GABRA2: variants seen among roughly 807,000 people sequenced by gnomAD.
GABRA2 encodes the protein gamma-aminobutyric acid type A receptor subunit alpha2.
Under a neutral mutation model 48.7 loss-of-function variants are expected in GABRA2, and 16 were observed. The observed-to-expected ratio is 0.33, with a 90% CI of 0.22 to 0.50. The LOEUF is 0.50. Among genes scored for constraint, GABRA2 ranks in the 20% least tolerant of loss-of-function variants. GABRA2 has a pLI of 0.98. For missense variants in GABRA2, 275 were observed against 535.6 expected, an observed-to-expected ratio of 0.51 and a Z score of 4.80; for synonymous variants, 185 against 184.5, an observed-to-expected ratio of 1.00 and a Z score of -0.02.
At chr4:46,279,834 G>A (rs965896547) in intron 8 of GABRA2, among the ~76,000 whole-genome samples, 2 of 151,866 alleles carry the variant, frequency 1.3e-5, no homozygotes, top group African/African-American at 2.4e-5. Flanking sequence ...AGATTTCTTT[G>A]ATTTTCTTTT....
intron 7 of GABRA2, among the ~76,000 whole-genome samples, chr4:46,304,548 A>T (rs1331903774): frequency 6.6e-6 from 1 of 152,020 alleles, no homozygotes; most frequent in Non-Finnish European, 1.5e-5. Flanking sequence ...TCAGCTTTCC[A>T]CACAGGCCTG....
rs2109360280 is a variant in GABRA2 at position 46,246,942 on chromosome 4, G to T, written c.*3366C>A. Among the ~76,000 whole-genome samples, 1 of 151,174 alleles carries T rather than the reference G, an allele frequency of 6.6e-6. No homozygotes were observed. The highest frequency in any genetic ancestry group is 2.0e-4 in the East Asian group (1 of 5,090). On this transcript the variant is annotated 3_prime_UTR_variant, in exon 10 of 10. Transcript: ENST00000381620. ...ACTTTGGTGCTCTTCTGGAATCCATGATTATATCATGGCAGGGTTTGTGTC... is the reference window on the plus strand; with the variant it reads ...ACTTTGGTGCTCTTCTGGAATCCATTATTATATCATGGCAGGGTTTGTGTC...
At chr4:46,286,950 T>G (rs1158552244) in intron 8 of GABRA2, among the ~76,000 whole-genome samples, 4 of 152,288 alleles carry the variant, frequency 2.6e-5, no homozygotes, top group East Asian at 1.9e-4. Context: ...TTTTCATGAT[T>G]AAAAGAAACA....
chr4:46,285,097 G>A (rs530853825), intron 8 of GABRA2, among the ~76,000 whole-genome samples: 1 of 149,690 alleles, frequency 6.7e-6, no homozygotes, highest in East Asian at 1.9e-4. Flanking sequence ...CCTCATTCCA[G>A]GCAGGTCTTA....
intron 8 of GABRA2, among the ~76,000 whole-genome samples, chr4:46,274,385 T>C (rs1720084592): frequency 6.6e-6 from 1 of 152,100 alleles, no homozygotes; most frequent in South Asian, 2.1e-4. Context: ...CTAAATTGTG[T>C]ATTTTTCAAT....
At chr4:46,367,976 G>A (rs1204854882) in intron 3 of GABRA2, 1 of 152,084 alleles carries the variant, frequency 6.6e-6, no homozygotes, top group East Asian at 1.9e-4. Context: ...GGGACATTGT[G>A]TCACATCTGG....
chr4:46,297,147 G>A (rs371319488), intron 8 of GABRA2, among the ~76,000 whole-genome samples: 2 of 151,942 alleles, frequency 1.3e-5, no homozygotes, highest in African/African-American at 4.8e-5. Context: ...ATTGATCCTG[G>A]GTGTGTCCGT....
At chr4:46,283,369 A>G (rs918304342) in intron 8 of GABRA2, among the ~76,000 whole-genome samples, 1 of 152,158 alleles carries the variant, frequency 6.6e-6, no homozygotes, top group African/African-American at 2.4e-5. Flanking sequence ...AAGCAAAACC[A>G]TAAATTAAGG....
chr4:46,366,782 A>G (rs1221957762), intron 3 of GABRA2: 1 of 152,124 alleles, frequency 6.6e-6, no homozygotes, highest in Non-Finnish European at 1.5e-5. Flanking sequence ...AAGACAACTG[A>G]AAAACTTTAA....
rs941353845 is a variant in GABRA2, at chr4:46,388,918, GTTTC to G, written c.-10-206_-10-203del. The G allele has an allele frequency of 3.7e-5, 47 of 1,275,830 alleles. No homozygotes were observed. The East Asian group carries it at 4.2e-4, about 11-fold the overall frequency. The allele number at this position is 1,275,830 out of a possible 1,614,324, so 79.0% of individuals were successfully genotyped here. A position where few individuals can be genotyped will look rare whatever the true frequency, so the allele number is the denominator to read the frequency against. On this transcript the variant is annotated intron_variant, in intron 1 of 9. Coordinates refer to ENST00000381620, the MANE Select transcript of GABRA2 (RefSeq NM_000807.4). ...CCCCACCCCCACCCTTTTCCTTTCT[GTTTC>G]TTTCTTTCTTTTTTTCTTTCTTTCT...
intron 9 of GABRA2, 29 bp downstream of exon 9, chr4:46,261,894 TTAA>T: frequency 1.3e-6 from 2 of 1,555,890 alleles, no homozygotes; most frequent in African/African-American, 1.4e-5. Flanking sequence ...GGGTATTTTC[TTAA>T]TAATGATAAC....
intron 4 of GABRA2, among the ~76,000 whole-genome samples, chr4:46,321,709 G>GT: frequency 6.6e-6 from 1 of 152,056 alleles, no homozygotes; most frequent in South Asian, 2.1e-4. Flanking sequence ...AGGATGAAGT[G>GT]AGATAATATT....
chr4:46,357,409 GT>G (rs1261845149), intron 3 of GABRA2, among the ~76,000 whole-genome samples: 5 of 147,178 alleles, frequency 3.4e-5, no homozygotes, highest in African/African-American at 1.3e-4. Flanking sequence ...TATCTAGTAT[GT>G]TGCATTTCAT....
chr4:46,273,666 T>C (rs1270161970), intron 8 of GABRA2, among the ~76,000 whole-genome samples: 2 of 151,812 alleles, frequency 1.3e-5, no homozygotes, highest in African/African-American at 4.8e-5. Context: ...GAAATAAATT[T>C]TCTCCTTCTC....
At chr4:46,291,811 A>G (rs1021417159) in intron 8 of GABRA2, among the ~76,000 whole-genome samples, 4 of 150,700 alleles carry the variant, frequency 2.7e-5, no homozygotes, top group African/African-American at 7.3e-5. Context: ...ATATATGTGT[A>G]TATATATATC....
chr4:46,279,491 T>A (rs750321906), intron 8 of GABRA2, among the ~76,000 whole-genome samples: 3 of 152,112 alleles, frequency 2.0e-5, no homozygotes, highest in African/African-American at 7.2e-5. Flanking sequence ...TCTCTTTTCA[T>A]CTCTTTTTTT....
At chr4:46,339,229 A>G (rs1442220050) in intron 3 of GABRA2, among the ~76,000 whole-genome samples, 1 of 151,950 alleles carries the variant, frequency 6.6e-6, no homozygotes, top group Non-Finnish European at 1.5e-5. Context: ...ATTAAATAAA[A>G]TTAAATAACA....
chr4:46,289,960 G>GGAGT (rs1450786558), intron 8 of GABRA2, among the ~76,000 whole-genome samples: 1 of 146,360 alleles, frequency 6.8e-6, no homozygotes, highest in East Asian at 2.0e-4. Context: ...CGCCCAGGCT[G>GGAGT]GAGTGCGGTG....
rs1338031744 is a variant in GABRA2, at chr4:46,303,536, A to C, written c.780T>G (p.Pro260=). The C allele has an allele frequency of 6.2e-7, 1 of 1,614,080 alleles. No individual in the cohort carries two copies. Among genetic ancestry groups the C allele is most frequent in the Admixed American group, 1.7e-5 (1 of 60,022 alleles). The change falls in exon 8 of 10, where the codon CCT becomes CCG. Residue 260 remains proline (P), a synonymous_variant. Coordinates refer to ENST00000381620, the MANE Select transcript of GABRA2 (RefSeq NM_000807.4). ...GGGAGAGAATGACAGTCATGATGCA[A>C]GGCAGATAGGTTTGAATCACAAAAT... The part of the protein sequence containing the change: ...IGYFVIQTYL[P]CIMTVILSQV...
Sources: allele counts gnomAD v4.1 joint callset (sites outside exome capture counted in the v4.1 genomes callset), GRCh38; gene constraint gnomAD v4.1.1; transcripts MANE v1.5; gene names NCBI Gene and HGNC (gene_info 2026-07-23, HGNC 2026-07-21).